The following KCNMA1 variants were observed in gnomAD, a reference collection of about 807,000 sequenced individuals.
KCNMA1 encodes potassium calcium-activated channel subfamily M alpha 1.
In KCNMA1, 29 loss-of-function variants were observed where a neutral mutation model predicts 140.0. The observed-to-expected ratio is 0.21, with a 90% CI of 0.15 to 0.28. The LOEUF (loss-of-function observed/expected upper bound fraction) is 0.28, where lower values mean the gene tolerates loss of function less well. Ranked by LOEUF, KCNMA1 falls within the 10% of genes least tolerant of loss-of-function variation. KCNMA1 has a pLI of 1.00. For synonymous variants in KCNMA1, 612 were observed against 611.9 expected, an observed-to-expected ratio of 1.00 and a Z score of 0.00; for missense variants, 880 against 1,602.2, an observed-to-expected ratio of 0.55 and a Z score of 7.70.
intron 1 of KCNMA1, among the ~76,000 whole-genome samples, chr10:77,506,590 A>AGTGT (rs1252068587): frequency 1.4e-4 from 13 of 92,770 alleles, no homozygotes; most frequent in African/African-American, 7.9e-4. Flanking sequence ...AGAGAGAGAG[A>AGTGT]GAGAGAGTGT....
At chr10:77,240,860 A>G (rs865883538) in intron 3 of KCNMA1, among the ~76,000 whole-genome samples, 1 of 152,198 alleles carries the variant, frequency 6.6e-6, no homozygotes, top group Non-Finnish European at 1.5e-5. Flanking sequence ...GATGAAAAAA[A>G]TGTTATTTTG....
At chr10:77,035,683 A>G (rs1442433923) in intron 15 of KCNMA1, among the ~76,000 whole-genome samples, 1 of 152,220 alleles carries the variant, frequency 6.6e-6, no homozygotes, top group African/African-American at 2.4e-5. Flanking sequence ...GAATTTCCTA[A>G]AGGTTAAAAG....
intron 3 of KCNMA1, among the ~76,000 whole-genome samples, chr10:77,187,504 G>A (rs538116030): frequency 6.6e-6 from 1 of 152,308 alleles, no homozygotes; most frequent in Admixed American, 6.5e-5. Context: ...ATTTAGAACC[G>A]ATTTCATCAT....
Position 77,410,482 on chromosome 10 carries a change from G to T in KCNMA1, c.379-6459C>A, listed in dbSNP as rs368477609. Among the ~76,000 whole-genome samples the T allele has an allele frequency of 3.0e-4, 45 of 152,322 alleles. 2 individuals carry two copies. In the South Asian group the frequency reaches 9.1e-3, roughly 31 times the overall value. ...CCAAGTCTGCCTCGGGTTTAACTACGTGTCAGTTCTTTGGACACTGGTTCC... is the reference window on the plus strand; with the variant it reads ...CCAAGTCTGCCTCGGGTTTAACTACTTGTCAGTTCTTTGGACACTGGTTCC... On this transcript the variant is annotated intron_variant, in intron 1 of 27. Transcript: ENST00000286628.
intron 9 of KCNMA1, among the ~76,000 whole-genome samples, chr10:77,098,013 T>C (rs1255249546): frequency 1.3e-5 from 2 of 152,220 alleles, no homozygotes; most frequent in East Asian, 1.9e-4. Flanking sequence ...ATGTCCCACC[T>C]GGGCCAAAAC....
intron 1 of KCNMA1, among the ~76,000 whole-genome samples, chr10:77,629,963 T>C (rs1232403767): frequency 6.6e-6 from 1 of 152,174 alleles, no homozygotes; most frequent in Non-Finnish European, 1.5e-5. Flanking sequence ...TCCCTGACAG[T>C]GTGAGCTGTG....
intron 9 of KCNMA1, among the ~76,000 whole-genome samples, chr10:77,093,983 A>G (rs1325307765): frequency 6.6e-6 from 1 of 152,206 alleles, no homozygotes; most frequent in African/African-American, 2.4e-5. Context: ...GCATTTTACA[A>G]TTAAAAAGCC....
chr10:77,471,091 C>CA (rs1207854421), intron 1 of KCNMA1, among the ~76,000 whole-genome samples: 1 of 151,506 alleles, frequency 6.6e-6, no homozygotes, highest in African/African-American at 2.4e-5. Context: ...ACATATACAA[C>CA]ACACAATACA....
intron 5 of KCNMA1, among the ~76,000 whole-genome samples, chr10:77,151,206 CTCTTTCTT>C (rs5786267): frequency 2.1e-5 from 3 of 145,892 alleles, no homozygotes; most frequent in Non-Finnish European, 4.5e-5. Context: ...CTCTCTCTCT[CTCTTTCTT>C]TCTTTCCTTC....
chr10:77,402,919 A>C (rs1028597037), intron 2 of KCNMA1, among the ~76,000 whole-genome samples: 1 of 152,200 alleles, frequency 6.6e-6, no homozygotes, highest in Non-Finnish European at 1.5e-5. Flanking sequence ...CTCCGAATGC[A>C]ATATCCTTCT....
intron 1 of KCNMA1, among the ~76,000 whole-genome samples, chr10:77,431,766 T>C (rs1314390562): frequency 4.2e-5 from 6 of 142,684 alleles, no homozygotes; most frequent in East Asian, 4.4e-4. Flanking sequence ...GGGAAGCCGA[T>C]GCGGATGGAT....
At chr10:76,910,717 T>C (rs532249393) in intron 24 of KCNMA1, 1 of 159,954 alleles carries the variant, frequency 6.3e-6, no homozygotes, top group African/African-American at 2.4e-5. Flanking sequence ...CCTGGCTGTC[T>C]CCTGCTGCTT....
chr10:77,583,257 A>G (rs923376264), intron 1 of KCNMA1, among the ~76,000 whole-genome samples: 19 of 152,164 alleles, frequency 1.2e-4, no homozygotes, highest in African/African-American at 4.3e-4. Context: ...TCTGACCACA[A>G]CTAGTCCCAC....
At chr10:77,320,059 A>G (rs1390069536) in intron 2 of KCNMA1, among the ~76,000 whole-genome samples, 1 of 152,140 alleles carries the variant, frequency 6.6e-6, no homozygotes, top group Non-Finnish European at 1.5e-5. Flanking sequence ...CAAACAAAAG[A>G]TTCTCCAGGT....
chr10:77,302,357 G>A (rs1484248491), intron 2 of KCNMA1, among the ~76,000 whole-genome samples: 4 of 152,106 alleles, frequency 2.6e-5, no homozygotes, highest in East Asian at 1.9e-4. Flanking sequence ...AATTAATGGT[G>A]TCCTGTGGCC....
At chr10:76,950,228 C>T (rs1418283957) in intron 21 of KCNMA1, among the ~76,000 whole-genome samples, 1 of 152,170 alleles carries the variant, frequency 6.6e-6, no homozygotes, top group African/African-American at 2.4e-5. Context: ...TTGCTGACCC[C>T]TGTCCAATGC....
At chr10:77,212,499 C>T (rs777312236) in intron 3 of KCNMA1, among the ~76,000 whole-genome samples, 1 of 152,146 alleles carries the variant, frequency 6.6e-6, no homozygotes, top group African/African-American at 2.4e-5. Context: ...GGGTACTATG[C>T]TCGCTACCTG....
chr10:77,465,758 A>G (rs1007567924), intron 1 of KCNMA1, among the ~76,000 whole-genome samples: 4 of 152,184 alleles, frequency 2.6e-5, no homozygotes, highest in African/African-American at 9.7e-5. Flanking sequence ...TTTATACATT[A>G]CATTAAGAGG....
chr10:76,978,589 A>G (rs1008476008), intron 19 of KCNMA1: 3 of 152,198 alleles, frequency 2.0e-5, no homozygotes, highest in Non-Finnish European at 4.4e-5. Flanking sequence ...GTAATTTCCA[A>G]CCCATACATT....
Sources: gnomAD v4.1 joint callset for allele counts (sites outside exome capture counted in the v4.1 genomes callset) on GRCh38, gnomAD v4.1.1 for gene constraint, MANE v1.5 for transcripts, NCBI Gene and HGNC (gene_info 2026-07-23, HGNC 2026-07-21) for gene names.